Variants in JAKMIP2 observed in about 807,000 individuals in gnomAD.
JAKMIP2 encodes janus kinase and microtubule-interacting protein 2.
In JAKMIP2, 25 loss-of-function variants were observed where a neutral mutation model predicts 115.0. The observed-to-expected ratio is 0.22, with a 90% CI of 0.16 to 0.30. The LOEUF is 0.30. JAKMIP2 is among the 10% of genes least tolerant of loss of function. The probability of loss-of-function intolerance (pLI) is 1.00; values close to 1 mark genes in which losing one functional copy is unlikely to be tolerated. For synonymous variants in JAKMIP2, 334 were observed against 343.6 expected, an observed-to-expected ratio of 0.97 and a Z score of 0.31; for missense variants, 642 against 957.6, an observed-to-expected ratio of 0.67 and a Z score of 4.35.
At chr5:147,776,762 T>A (rs953285389) in intron 1 of JAKMIP2, among the ~76,000 whole-genome samples, 1 of 152,058 alleles carries the variant, frequency 6.6e-6, no homozygotes, top group African/African-American at 2.4e-5. Flanking sequence ...ACCTCGTCTC[T>A]ACTAAAAATA....
chr5:147,694,067 G>C lies in JAKMIP2; in HGVS notation c.-148-22113C>G, dbSNP rs1039022206. 5.3e-5 allele frequency among the ~76,000 whole-genome samples: 8 copies of C among 152,238 alleles called. No individual in the cohort carries two copies. The South Asian group carries it at 1.7e-3, about 32-fold the overall frequency. On this transcript the variant is annotated intron_variant, in intron 1 of 21. Transcript: ENST00000616793. ...AATTCCCACATCTCCTCTCCTAAGAGAGCCAATTAATATTTTTAAATTGGT... is the reference window on the plus strand; with the variant it reads ...AATTCCCACATCTCCTCTCCTAAGACAGCCAATTAATATTTTTAAATTGGT...
rs542660124 is a variant in JAKMIP2 at position 147,586,860 on chromosome 5, T to G, written c.*4847A>C. 10 of 150,848 alleles carry G rather than the reference T, an allele frequency of 6.6e-5. No individual in the cohort carries two copies. The South Asian group carries it at 1.9e-3, about 29-fold the overall frequency. The allele number at this position is 150,848 out of a possible 1,614,324, so 9.3% of individuals were successfully genotyped here. A position where few individuals can be genotyped will look rare whatever the true frequency, so the allele number is the denominator to read the frequency against. On this transcript the variant is annotated 3_prime_UTR_variant, in exon 22 of 22. Coordinates refer to ENST00000616793, the MANE Select transcript of JAKMIP2 (RefSeq NM_001270941.2). ...CTGCCACCTTAGCCTTCTGAGTAGCTATCTTTAGGAATTTTGATTAAGCAT... is the reference window on the plus strand; with the variant it reads ...CTGCCACCTTAGCCTTCTGAGTAGCGATCTTTAGGAATTTTGATTAAGCAT...
intron 5 of JAKMIP2, among the ~76,000 whole-genome samples, chr5:147,647,161 A>G (rs1194241207): frequency 6.6e-6 from 1 of 152,064 alleles, no homozygotes; most frequent in Non-Finnish European, 1.5e-5. Context: ...CTCTGACTAT[A>G]GTAGAATTAA....
At chr5:147,707,013 CT>C (rs916801378) in intron 1 of JAKMIP2, among the ~76,000 whole-genome samples, 11 of 151,954 alleles carry the variant, frequency 7.2e-5, no homozygotes, top group African/African-American at 2.7e-4. Flanking sequence ...CTTTCTAGGC[CT>C]TTTTTTGAGG....
chr5:147,696,244 G>A (rs540914569), intron 1 of JAKMIP2, among the ~76,000 whole-genome samples: 10 of 152,176 alleles, frequency 6.6e-5, no homozygotes, highest in African/African-American at 2.2e-4. Context: ...GCCAAAACTC[G>A]AATTGTAGTT....
chr5:147,648,256 A>G (rs1447286827), intron 5 of JAKMIP2, 120 bp downstream of exon 5: 2 of 589,962 alleles, frequency 3.4e-6, no homozygotes, highest in Non-Finnish European at 6.0e-6. Flanking sequence ...ATATCTATTG[A>G]ATGGTATCTT....
At chr5:147,732,815 G>A (rs1753784546) in intron 1 of JAKMIP2, among the ~76,000 whole-genome samples, 1 of 152,070 alleles carries the variant, frequency 6.6e-6, no homozygotes, top group Non-Finnish European at 1.5e-5. Flanking sequence ...AGGTTTTTCT[G>A]GCATTTGATT....
intron 18 of JAKMIP2, 28 bp downstream of exon 18, chr5:147,620,638 G>C (rs746054208): frequency 2.2e-5 from 32 of 1,487,758 alleles, no homozygotes; most frequent in Admixed American, 3.4e-5. Context: ...TAAATACTGC[G>C]GGTGTCTCTA....
intron 1 of JAKMIP2, among the ~76,000 whole-genome samples, chr5:147,689,515 ACTAGATGCAAG>A (rs1003480569): frequency 3.3e-5 from 5 of 152,144 alleles, no homozygotes; most frequent in African/African-American, 1.2e-4. Flanking sequence ...TGGTGATAGG[ACTAGATGCAAG>A]CTGATGGTAA....
At chr5:147,600,323 G>A (rs1755631696) in intron 21 of JAKMIP2, among the ~76,000 whole-genome samples, 1 of 152,056 alleles carries the variant, frequency 6.6e-6, no homozygotes. Flanking sequence ...TAGCCAGAGA[G>A]TGAGTTATGA....
chr5:147,714,277 A>G (rs973622013), intron 1 of JAKMIP2, among the ~76,000 whole-genome samples: 1 of 152,218 alleles, frequency 6.6e-6, no homozygotes, highest in African/African-American at 2.4e-5. Flanking sequence ...ATAAAAAGTG[A>G]TATTATATAG....
chr5:147,767,171 A>G (rs1484454717), intron 1 of JAKMIP2, among the ~76,000 whole-genome samples: 3 of 152,192 alleles, frequency 2.0e-5, no homozygotes. Context: ...CTGAATGGCA[A>G]CATTGTGTGT....
chr5:147,623,433 G>C (rs1205416494), intron 17 of JAKMIP2, among the ~76,000 whole-genome samples, 188 bp downstream of exon 17: 1 of 151,948 alleles, frequency 6.6e-6, no homozygotes, highest in Non-Finnish European at 1.5e-5. Context: ...ACATTTTTTG[G>C]GGGGAGAATA....
intron 14 of JAKMIP2, 47 bp from the exon 15 acceptor site, chr5:147,629,793 T>A: frequency 6.7e-7 from 1 of 1,482,022 alleles, no homozygotes; most frequent in Non-Finnish European, 9.4e-7. Context: ...TGTGGCCTCC[T>A]ATTCCATCAG....
chr5:147,610,919 C>T lies in JAKMIP2; in HGVS notation c.2412+1387G>A, dbSNP rs564145281. ...ATCTAGACAGGCAGTCTGGCTACAG[C>T]AGCTTTGTGGCCCTGTGGTGGGCTC... On this transcript the variant is annotated intron_variant, in intron 20 of 21. Transcript: ENST00000616793. Among the ~76,000 whole-genome samples, 15 of 152,336 alleles carry T rather than the reference C, an allele frequency of 9.8e-5. 1 individual carries two copies. In the South Asian group the frequency reaches 2.3e-3, roughly 23 times the overall value.
chr5:147,710,101 G>C (rs937350755), intron 1 of JAKMIP2, among the ~76,000 whole-genome samples: 11 of 152,164 alleles, frequency 7.2e-5, no homozygotes. Flanking sequence ...ATGAATAAAT[G>C]AGTCAGGAAA....
intron 20 of JAKMIP2, among the ~76,000 whole-genome samples, chr5:147,606,274 T>C (rs1037157037): frequency 1.3e-5 from 2 of 152,224 alleles, no homozygotes; most frequent in African/African-American, 4.8e-5. Context: ...ATGTCCTGAA[T>C]GGTATTGCCT....
At chr5:147,762,320 G>A (rs953194775) in intron 1 of JAKMIP2, among the ~76,000 whole-genome samples, 23 of 152,086 alleles carry the variant, frequency 1.5e-4, no homozygotes, top group African/African-American at 5.1e-4. Context: ...ATGTTAGATT[G>A]TACTCTTATT....
At position 147,589,778 on chromosome 5, in the gene JAKMIP2, T is replaced by C. The variant is rs1755027851; in HGVS notation, c.*1929A>G. On this transcript the variant is annotated 3_prime_UTR_variant, in exon 22 of 22. Coordinates refer to ENST00000616793, the MANE Select transcript of JAKMIP2 (RefSeq NM_001270941.2). Reference sequence around the variant, plus strand: ...CTCTCAATTTTTATTGCTAATAATGTCCCAAGTAGCTTGATAAGCAAGCTT... The same window carrying C: ...CTCTCAATTTTTATTGCTAATAATGCCCCAAGTAGCTTGATAAGCAAGCTT... The C allele has an allele frequency of 6.6e-6, 1 of 152,220 alleles. No homozygotes were observed. Among genetic ancestry groups the C allele is most frequent in the African/African-American group, 2.4e-5 (1 of 41,458 alleles). 9.4% of individuals were successfully genotyped at this position (152,220 alleles called of 1,614,324 possible).
Sources: gnomAD v4.1 joint callset for allele counts (sites outside exome capture counted in the v4.1 genomes callset) on GRCh38, gnomAD v4.1.1 for gene constraint, MANE v1.5 for transcripts, NCBI Gene and HGNC (gene_info 2026-07-23, HGNC 2026-07-21) for gene names.